Variants in RPH3A observed in about 807,000 individuals in gnomAD.
The protein encoded by RPH3A is rabphilin-3A.
RPH3A carries 48 observed loss-of-function variants against 102.2 expected under a neutral mutation model. The observed-to-expected ratio is 0.47, with a 90% CI of 0.37 to 0.60. RPH3A has a LOEUF of 0.60. Among genes scored for constraint, RPH3A ranks in the 20% least tolerant of loss-of-function variants. RPH3A has a pLI of 0.00. For synonymous variants in RPH3A, 310 were observed against 324.3 expected, an observed-to-expected ratio of 0.96 and a Z score of 0.47; for missense variants, 781 against 910.1, an observed-to-expected ratio of 0.86 and a Z score of 1.83.
At position 112,869,913 on chromosome 12, in the gene RPH3A, C is replaced by G. The variant is rs771368523; in HGVS notation, c.670C>G (p.Pro224Ala). Reference sequence around the variant, plus strand: ...TCCAGGCCCTGACCCAGCCTCTGCTCCCGGGCGAGGAAACTATGGGCCTCC... The same window carrying G: ...TCCAGGCCCTGACCCAGCCTCTGCTGCCGGGCGAGGAAACTATGGGCCTCC... ...QKTGPDPASAPGRGNYGPPVR... is the reference protein window; with the variant it reads ...QKTGPDPASAAGRGNYGPPVR... The change falls in exon 10 of 22, where the codon CCC (proline) becomes GCC (alanine). Residue 224 changes from proline to alanine, a missense_variant. Coordinates refer to ENST00000389385, the MANE Select transcript of RPH3A (RefSeq NM_001143854.2). The G allele has an allele frequency of 6.2e-7, 1 of 1,614,070 alleles. No individual in the cohort carries two copies. The highest frequency in any genetic ancestry group is 1.7e-5 in the Admixed American group (1 of 60,012).
At chr12:112,658,016 G>T (rs2040024622) in intron 1 of RPH3A, among the ~76,000 whole-genome samples, 1 of 152,160 alleles carries the variant, frequency 6.6e-6, no homozygotes, top group South Asian at 2.1e-4. Context: ...GAGCAAGAGG[G>T]AATGTGGGAG....
At chr12:112,600,780 C>T (rs1284031578) in intron 1 of RPH3A, among the ~76,000 whole-genome samples, 2 of 152,162 alleles carry the variant, frequency 1.3e-5, no homozygotes, top group Non-Finnish European at 1.5e-5. Context: ...CCCACTACCT[C>T]AGTACCAATT....
intron 5 of RPH3A, 125 bp from the exon 6 acceptor site, chr12:112,865,289 A>C (rs1016759958): frequency 8.6e-6 from 10 of 1,160,410 alleles, no homozygotes; most frequent in Non-Finnish European, 1.2e-5. Flanking sequence ...AAGAGTTCAC[A>C]ACTGTCATCA....
chr12:112,620,231 A>G (rs2039712760), intron 1 of RPH3A, among the ~76,000 whole-genome samples: 1 of 152,148 alleles, frequency 6.6e-6, no homozygotes, highest in Admixed American at 6.6e-5. Context: ...CCCTAAGCCA[A>G]CATGTTTTCA....
intron 1 of RPH3A, among the ~76,000 whole-genome samples, chr12:112,708,274 C>T (rs146605364): frequency 1.3e-5 from 2 of 152,270 alleles, no homozygotes; most frequent in East Asian, 1.9e-4. Context: ...ATGTAATTCT[C>T]GTTAACCCTG....
At chr12:112,608,798 T>C (rs573251883) in intron 1 of RPH3A, among the ~76,000 whole-genome samples, 3 of 152,312 alleles carry the variant, frequency 2.0e-5, no homozygotes, top group Admixed American at 6.5e-5. Context: ...ACATTTCACA[T>C]TGGATGCTAA....
chr12:112,679,522 T>A (rs932722430), intron 1 of RPH3A, among the ~76,000 whole-genome samples: 1 of 152,110 alleles, frequency 6.6e-6, no homozygotes, highest in Admixed American at 6.5e-5. Flanking sequence ...ACCTCCCGGA[T>A]TTAAGCAGTT....
At chr12:112,877,416 GTA>G (rs1491273474) in intron 13 of RPH3A, among the ~76,000 whole-genome samples, 12 of 104,266 alleles carry the variant, frequency 1.2e-4, no homozygotes, top group Admixed American at 1.1e-3. Context: ...ACACACACAC[GTA>G]TACACACACA....
intron 1 of RPH3A, among the ~76,000 whole-genome samples, chr12:112,588,825 T>C (rs1408541922): frequency 2.0e-5 from 3 of 152,102 alleles, no homozygotes; most frequent in African/African-American, 4.8e-5. Context: ...AGGAGGCAGA[T>C]GGTAACCTGG....
chr12:112,789,360 GT>G (rs1454576711), upstream of RPH3A, among the ~76,000 whole-genome samples: 6 of 152,090 alleles, frequency 3.9e-5, no homozygotes, highest in African/African-American at 1.4e-4. Context: ...CTGAATTTAT[GT>G]CACAGGATCA....
intron 1 of RPH3A, among the ~76,000 whole-genome samples, chr12:112,765,677 C>T (rs1021132740): frequency 6.6e-6 from 1 of 152,138 alleles, no homozygotes; most frequent in African/African-American, 2.4e-5. Context: ...CTGCTTCATG[C>T]AATTTTCCAT....
chr12:112,613,201 C>T (rs1039302344), intron 1 of RPH3A, among the ~76,000 whole-genome samples: 1 of 152,128 alleles, frequency 6.6e-6, no homozygotes, highest in Non-Finnish European at 1.5e-5. Flanking sequence ...TGGTATGGGT[C>T]ATTGTTGAGA....
rs147215605 is a variant in RPH3A, at chr12:112,881,774, C to T, written c.1254C>T (p.Gly418=). The T allele has an allele frequency of 6.2e-7, 1 of 1,610,660 alleles. No individual in the cohort carries two copies. The highest frequency in any genetic ancestry group is 1.7e-5 in the Admixed American group (1 of 59,816). The change falls in exon 15 of 22, where the codon GGC becomes GGT. Residue 418 remains glycine, a splice_region_variant and synonymous_variant. Coordinates refer to ENST00000389385, the MANE Select transcript of RPH3A (RefSeq NM_001143854.2). ...SLQCTIIKAK[G]LKPMDSNGLA... ...ACCATTGCCTCCTTCTCTTGCAGGG[C>T]CTGAAGCCCATGGATTCAAACGGCT...
chr12:112,777,025 A>G (rs2136075861), intron 1 of RPH3A, among the ~76,000 whole-genome samples: 1 of 152,282 alleles, frequency 6.6e-6, no homozygotes, highest in South Asian at 2.1e-4. Flanking sequence ...TGATGGGCAG[A>G]GCTACAAAAT....
chr12:112,674,224 A>G (rs1482488151), intron 1 of RPH3A, among the ~76,000 whole-genome samples: 1 of 152,054 alleles, frequency 6.6e-6, no homozygotes, highest in Non-Finnish European at 1.5e-5. Context: ...CACTTGGCTA[A>G]TTTTTCAATT....
intron 1 of RPH3A, among the ~76,000 whole-genome samples, chr12:112,783,156 A>G (rs569090121): frequency 8.5e-5 from 13 of 152,140 alleles, no homozygotes; most frequent in Non-Finnish European, 1.9e-4. Flanking sequence ...CCATTCTTCA[A>G]GCCTGCTGGA....
At chr12:112,874,955 C>G in intron 10 of RPH3A, 129 bp from the exon 11 acceptor site, 1 of 653,258 alleles carries the variant, frequency 1.5e-6, no homozygotes, top group Admixed American at 3.0e-5. Context: ...AAGAGCTGAG[C>G]GAGTGAGGAG....
chr12:112,712,374 C>A (rs1262517083), intron 1 of RPH3A, among the ~76,000 whole-genome samples: 4 of 151,946 alleles, frequency 2.6e-5, no homozygotes, highest in African/African-American at 7.3e-5. Flanking sequence ...CTTTGTAGGT[C>A]AAAAAATGGT....
At chr12:112,815,749 A>G (rs1278592620) in intron 2 of RPH3A, among the ~76,000 whole-genome samples, 1 of 152,174 alleles carries the variant, frequency 6.6e-6, no homozygotes, top group East Asian at 1.9e-4. Context: ...TTTAATATGG[A>G]GACCTGTCTA....
Sources: allele counts gnomAD v4.1 joint callset (sites outside exome capture counted in the v4.1 genomes callset), GRCh38; gene constraint gnomAD v4.1.1; transcripts MANE v1.5; gene names NCBI Gene and HGNC (gene_info 2026-07-23, HGNC 2026-07-21).